Variants in SLC9A2 observed in about 807,000 individuals in gnomAD.
SLC9A2 encodes sodium/hydrogen exchanger 2.
In SLC9A2, 42 loss-of-function variants were observed where a neutral mutation model predicts 71.7. The ratio of observed to expected loss-of-function variants is 0.59; its 90% CI spans 0.46 to 0.76. The LOEUF is 0.76. Ranked by LOEUF, SLC9A2 falls within the 30% of genes least tolerant of loss-of-function variation. The probability of loss-of-function intolerance (pLI) is 0.00; values close to 1 mark genes in which losing one functional copy is unlikely to be tolerated. For missense variants in SLC9A2, 829 were observed against 1,017.4 expected, an observed-to-expected ratio of 0.81 and a Z score of 2.52; for synonymous variants, 396 against 392.5, an observed-to-expected ratio of 1.01 and a Z score of -0.10.
At chr2:102,650,429 C>A (rs564764378) in intron 1 of SLC9A2, among the ~76,000 whole-genome samples, 4 of 152,240 alleles carry the variant, frequency 2.6e-5, no homozygotes, top group African/African-American at 9.6e-5. Flanking sequence ...CACAATGGTA[C>A]ATGTATACCT....
chr2:102,695,800 T>TATATAATATA (rs1491352314), intron 7 of SLC9A2, among the ~76,000 whole-genome samples: 16 of 93,008 alleles, frequency 1.7e-4, no homozygotes, highest in African/African-American at 6.3e-4. Flanking sequence ...TATATATATA[T>TATATAATATA]TATATATATA....
In SLC9A2 at chr2:102,684,140, T is replaced by A. The variant is rs757359804; in HGVS notation, c.1229T>A (p.Phe410Tyr). The A allele has an allele frequency of 3.8e-5, 61 of 1,613,820 alleles. No individual in the cohort carries two copies. Among genetic ancestry groups the A allele is most frequent in the Non-Finnish European group, 5.2e-5 (61 of 1,179,848 alleles). Reference protein sequence around the residue: ...FCLMWRALGVFVLTQVINRFR... With the variant: ...FCLMWRALGVYVLTQVINRFR... ...GGGTTTTCTTTCTTTGCAGGTGTTT[T>A]TGTCCTGACTCAGGTCATTAATAGG... is the stretch of plus-strand genomic sequence containing the variant. The change falls in exon 5 of 12, where the codon TTT becomes TAT. Residue 410 changes from phenylalanine to tyrosine, a missense_variant. Physicochemically the swap from Phe to Tyr is conservative, Grantham distance 22. Around this residue, in one of 3 missense-constraint regions of SLC9A2, gnomAD observed 500 missense variants for 726.3 expected, o/e 0.69. Transcript: ENST00000233969.
chr2:102,643,729 A>C (rs763688721), intron 1 of SLC9A2, among the ~76,000 whole-genome samples: 1 of 152,108 alleles, frequency 6.6e-6, no homozygotes, highest in East Asian at 1.9e-4. Flanking sequence ...CAAAAACAGC[A>C]ATCTGTTTTT....
At chr2:102,685,310 T>TGGAG (rs1677527995) in intron 5 of SLC9A2, among the ~76,000 whole-genome samples, 2 of 152,160 alleles carry the variant, frequency 1.3e-5, no homozygotes, top group African/African-American at 4.8e-5. Context: ...AAGCAGGGTC[T>TGGAG]GGAGTCCTAC....
rs148716776 is a variant in SLC9A2 at position 102,656,795 on chromosome 2, C to T, written c.290-769C>T. On this transcript the variant is annotated intron_variant, in intron 1 of 11. Coordinates refer to ENST00000233969, the MANE Select transcript of SLC9A2 (RefSeq NM_003048.6). ...CTGGATCTCTTTCAGCTTCAATTCCCGCTTAAATTTTTACAAAGCATGAAA... is the reference window on the plus strand; with the variant it reads ...CTGGATCTCTTTCAGCTTCAATTCCTGCTTAAATTTTTACAAAGCATGAAA... Among the ~76,000 whole-genome samples the T allele has an allele frequency of 4.0e-3, 607 of 152,220 alleles. 6 individuals are homozygous for T. The highest frequency in any genetic ancestry group is 0.014 in the African/African-American group (572 of 41,528).
chr2:102,666,362 A>AT (rs938021256), intron 3 of SLC9A2, among the ~76,000 whole-genome samples: 24 of 151,564 alleles, frequency 1.6e-4, no homozygotes, highest in African/African-American at 2.4e-4. Context: ...CACCGGGCTA[A>AT]TTTTTTTTGT....
rs1260727957 is a variant in SLC9A2, at chr2:102,706,182, G to A, written c.2068+246G>A. On this transcript the variant is annotated intron_variant, in intron 11 of 11. Coordinates refer to ENST00000233969, the MANE Select transcript of SLC9A2 (RefSeq NM_003048.6). ...AAAATACAAAAAATTAGCCGGGCGC[G>A]GTGGCGGGCGCCTGTAGTCCCAGCT... Among the ~76,000 whole-genome samples, 46 of 54,332 alleles carry A rather than the reference G, an allele frequency of 8.5e-4. 16 individuals are homozygous for A. The highest frequency in any genetic ancestry group is 1.7e-3 in the Non-Finnish European group (43 of 26,024). 35.6% of individuals were successfully genotyped at this position (54,332 alleles called of 152,430 possible).
chr2:102,708,612 C>A lies in SLC9A2; in HGVS notation c.*123C>A. 3 of 1,158,212 alleles carry A rather than the reference C, an allele frequency of 2.6e-6. No homozygotes were observed. Among genetic ancestry groups the A allele is most frequent in the Non-Finnish European group, 3.6e-6 (3 of 827,184 alleles). 71.7% of individuals were successfully genotyped at this position (1,158,212 alleles called of 1,614,324 possible). A position where few individuals can be genotyped will look rare whatever the true frequency, so the allele number is the denominator to read the frequency against. On this transcript the variant is annotated 3_prime_UTR_variant, in exon 12 of 12. Coordinates refer to ENST00000233969, the MANE Select transcript of SLC9A2 (RefSeq NM_003048.6). ...TGTGCATCTAAATACTTCTGGAGGGCGACAGATTCATGCCACGGATAAATG... is the reference window on the plus strand; with the variant it reads ...TGTGCATCTAAATACTTCTGGAGGGAGACAGATTCATGCCACGGATAAATG...
At chr2:102,693,343 G>A (rs1322329899) in intron 5 of SLC9A2, among the ~76,000 whole-genome samples, 2 of 152,102 alleles carry the variant, frequency 1.3e-5, no homozygotes, top group Non-Finnish European at 2.9e-5. Flanking sequence ...AGTTGACTGG[G>A]ACATGCAGAA....
intron 3 of SLC9A2, among the ~76,000 whole-genome samples, chr2:102,678,500 CTATT>C (rs756616963): frequency 1.9e-4 from 29 of 152,032 alleles, no homozygotes; most frequent in Non-Finnish European, 3.5e-4. Flanking sequence ...TATAAAGAAT[CTATT>C]TAGGTTATTA....
intron 7 of SLC9A2, chr2:102,697,258 G>C (rs1034908270): frequency 2.6e-5 from 4 of 152,366 alleles, no homozygotes; most frequent in Admixed American, 6.5e-5. Context: ...CTGGGGCACT[G>C]TCAGAAGAGG....
chr2:102,632,580 C>T (rs1290338724), intron 1 of SLC9A2, among the ~76,000 whole-genome samples: 1 of 152,032 alleles, frequency 6.6e-6, no homozygotes, highest in East Asian at 1.9e-4. Context: ...AAATTCATCC[C>T]TTGTTTGAAG....
chr2:102,656,357 T>C (rs558743747), intron 1 of SLC9A2, among the ~76,000 whole-genome samples: 2 of 152,338 alleles, frequency 1.3e-5, no homozygotes, highest in East Asian at 3.9e-4. Flanking sequence ...AGCCCCTTTA[T>C]GGCTCTGTTT....
intron 1 of SLC9A2, among the ~76,000 whole-genome samples, chr2:102,628,225 A>G (rs1676286941): frequency 6.6e-6 from 1 of 152,200 alleles, no homozygotes; most frequent in African/African-American, 2.4e-5. Context: ...GATATAAGGA[A>G]AATTATGCAA....
At chr2:102,706,671 C>T (rs1677983304) in intron 11 of SLC9A2, among the ~76,000 whole-genome samples, 1 of 152,204 alleles carries the variant, frequency 6.6e-6, no homozygotes, top group African/African-American at 2.4e-5. Context: ...GAATGGCATT[C>T]TGTGCAGATT....
intron 1 of SLC9A2, among the ~76,000 whole-genome samples, chr2:102,640,498 G>T (rs151049488): frequency 7.9e-5 from 12 of 152,310 alleles, no homozygotes; most frequent in Admixed American, 5.9e-4. Flanking sequence ...TCGATCATTT[G>T]CTATAATAGC....
chr2:102,639,419 C>G (rs17027635), intron 1 of SLC9A2, among the ~76,000 whole-genome samples: 2,828 of 152,252 alleles, frequency 0.019, 98 homozygotes, highest in African/African-American at 0.065. Flanking sequence ...CAACATTTGT[C>G]GAGTTGCCTT....
chr2:102,624,918 C>T (rs1279672965), intron 1 of SLC9A2, among the ~76,000 whole-genome samples: 2 of 152,160 alleles, frequency 1.3e-5, no homozygotes, highest in African/African-American at 4.8e-5. Flanking sequence ...ATTACAGAGA[C>T]TTTGATCTCT....
intron 5 of SLC9A2, among the ~76,000 whole-genome samples, chr2:102,689,076 C>T (rs1025117912): frequency 1.3e-5 from 2 of 152,160 alleles, no homozygotes; most frequent in Admixed American, 6.5e-5. Flanking sequence ...TTCATGAATG[C>T]TACAGAAGAC....
Sources: gnomAD v4.1 joint callset for allele counts (sites outside exome capture counted in the v4.1 genomes callset) on GRCh38, gnomAD v4.1.1 for gene constraint, gnomAD v4.1.1 regional missense constraint, MANE v1.5 for transcripts, NCBI Gene and HGNC (gene_info 2026-07-23, HGNC 2026-07-21) for gene names.